Variants in PLSCR2 observed in about 807,000 individuals in gnomAD.
PLSCR2 encodes the protein PL scramblase 2.
PLSCR2 carries 18 observed loss-of-function variants against 25.3 expected under a neutral mutation model. The ratio of observed to expected loss-of-function variants is 0.71; its 90% CI spans 0.49 to 1.06. The LOEUF (loss-of-function observed/expected upper bound fraction) is 1.06, where lower values mean the gene tolerates loss of function less well. Among genes scored for constraint, PLSCR2 ranks in the 50% least tolerant of loss-of-function variants. The pLI, the probability that PLSCR2 is intolerant of heterozygous loss-of-function variation, is 0.00. For synonymous variants in PLSCR2, 88 were observed against 87.3 expected, an observed-to-expected ratio of 1.01 and a Z score of -0.04; for missense variants, 243 against 269.5, an observed-to-expected ratio of 0.90 and a Z score of 0.69.
intron 2 of PLSCR2, among the ~76,000 whole-genome samples, chr3:146,407,752 G>A (rs1008181665): frequency 6.6e-6 from 1 of 152,090 alleles, no homozygotes; most frequent in African/African-American, 2.4e-5. Context: ...GATCAATTCA[G>A]CTTTTTGCGC....
intron 3 of PLSCR2, among the ~76,000 whole-genome samples, chr3:146,457,339 C>T (rs2041275969): frequency 6.6e-6 from 1 of 152,190 alleles, no homozygotes; most frequent in South Asian, 2.1e-4. Flanking sequence ...CATAACTCTA[C>T]CTAGGCTCTC....
chr3:146,393,018 T>G (rs1344989385), intron 3 of PLSCR2, among the ~76,000 whole-genome samples: 1 of 147,312 alleles, frequency 6.8e-6, no homozygotes, highest in East Asian at 2.0e-4. Context: ...AATTGGGTTA[T>G]TTACATTCCT....
intron 1 of PLSCR2, among the ~76,000 whole-genome samples, chr3:146,487,829 A>T (rs2043401049): frequency 6.6e-6 from 1 of 152,154 alleles, no homozygotes; most frequent in Non-Finnish European, 1.5e-5. Context: ...ACTGCTTTAA[A>T]TTTCATATGG....
At chr3:146,480,282 A>G (rs1039024555) in intron 1 of PLSCR2, among the ~76,000 whole-genome samples, 35 of 152,316 alleles carry the variant, frequency 2.3e-4, no homozygotes, top group African/African-American at 8.4e-4. Flanking sequence ...CCTTCAAAAA[A>G]TCAATGAATC....
chr3:146,472,069 G>A (rs1009745741), intron 1 of PLSCR2, among the ~76,000 whole-genome samples: 1 of 152,158 alleles, frequency 6.6e-6, no homozygotes, highest in African/African-American at 2.4e-5. Flanking sequence ...TTTCCAAGCA[G>A]TTGGGAATGT....
At chr3:146,479,140 G>A (rs1184289306) in intron 1 of PLSCR2, among the ~76,000 whole-genome samples, 2 of 152,118 alleles carry the variant, frequency 1.3e-5, no homozygotes, top group Non-Finnish European at 2.9e-5. Flanking sequence ...TGCAAAACAT[G>A]CCAAATTATA....
At chr3:146,482,156 A>C (rs1279606679) in intron 1 of PLSCR2, among the ~76,000 whole-genome samples, 1 of 152,220 alleles carries the variant, frequency 6.6e-6, no homozygotes, top group Non-Finnish European at 1.5e-5. Flanking sequence ...CATTCAGGAC[A>C]TAGGCATGGG....
chr3:146,427,764 G>A (rs976614962), intron 2 of PLSCR2, among the ~76,000 whole-genome samples: 5 of 152,150 alleles, frequency 3.3e-5, no homozygotes, highest in African/African-American at 1.2e-4. Context: ...CCTTGAACTC[G>A]ATCATAACAC....
At chr3:146,495,746 A>G (rs1025841252) in intron 1 of PLSCR2, 5 of 583,546 alleles carry the variant, frequency 8.6e-6, no homozygotes, top group Non-Finnish European at 1.5e-5. Flanking sequence ...AGCAGTTCAC[A>G]CTGTTTAAGA....
intron 8 of PLSCR2, among the ~76,000 whole-genome samples, chr3:146,435,341 T>C (rs920953178): frequency 5.9e-5 from 9 of 152,170 alleles, no homozygotes; most frequent in African/African-American, 1.7e-4. Context: ...CTTGAGGAAT[T>C]GCCACACTGT....
At chr3:146,481,061 T>C (rs551242348) in intron 1 of PLSCR2, among the ~76,000 whole-genome samples, 8 of 152,168 alleles carry the variant, frequency 5.3e-5, no homozygotes, top group South Asian at 2.1e-4. Context: ...CTCAATAAAC[T>C]AGGTATTGAT....
At chr3:146,416,856 T>C (rs1340188104) in intron 2 of PLSCR2, among the ~76,000 whole-genome samples, 3 of 152,194 alleles carry the variant, frequency 2.0e-5, no homozygotes, top group Non-Finnish European at 2.9e-5. Flanking sequence ...GTTAATACAG[T>C]CATGATAAAC....
In PLSCR2 at chr3:146,453,897, T is replaced by TGAGA. The variant is rs1207808346; in HGVS notation, c.483+101_483+104dup. On this transcript the variant is annotated intron_variant, in intron 5 of 6. Transcript: ENST00000610787. ...ATATATGGGAACATTATCTTGCTATTGAGACATCAGTACACAATACTAATT... is the reference window on the plus strand; with the variant it reads ...ATATATGGGAACATTATCTTGCTATTGAGAGAGACATCAGTACACAATACTAATT... 22 of 839,870 alleles carry TGAGA rather than the reference T, an allele frequency of 2.6e-5. No individual in the cohort carries two copies. In the African/African-American group the frequency reaches 3.2e-4, roughly 12 times the overall value. 52.0% of individuals were successfully genotyped at this position (839,870 alleles called of 1,614,324 possible). A position where few individuals can be genotyped will look rare whatever the true frequency, so the allele number is the denominator to read the frequency against.
At chr3:146,468,191 CA>C in intron 1 of PLSCR2, among the ~76,000 whole-genome samples, 1 of 152,294 alleles carries the variant, frequency 6.6e-6, no homozygotes, top group Non-Finnish European at 1.5e-5. Flanking sequence ...CTTGTCTATC[CA>C]ACTGCAGCAA....
chr3:146,458,502 G>A (rs760395779), intron 2 of PLSCR2, 49 bp from the exon 3 acceptor site: 73 of 1,242,460 alleles, frequency 5.9e-5, no homozygotes, highest in Non-Finnish European at 6.5e-5. Context: ...ATTTTATAGA[G>A]AACTAATTAC....
intron 3 of PLSCR2, among the ~76,000 whole-genome samples, chr3:146,457,941 C>G (rs764055150): frequency 3.9e-5 from 6 of 152,110 alleles, no homozygotes; most frequent in Non-Finnish European, 7.4e-5. Context: ...TACCAAAATC[C>G]TAGGCTACTC....
intron 1 of PLSCR2, among the ~76,000 whole-genome samples, chr3:146,472,968 G>A (rs1002056158): frequency 1.3e-5 from 2 of 152,122 alleles, no homozygotes; most frequent in Admixed American, 1.3e-4. Context: ...AAGAGCTCTG[G>A]TTCTTCTTCC....
intron 2 of PLSCR2, among the ~76,000 whole-genome samples, chr3:146,413,533 C>T (rs2038919826): frequency 6.6e-6 from 1 of 152,158 alleles, no homozygotes; most frequent in African/African-American, 2.4e-5. Context: ...ATTCATTATG[C>T]TTAAATTCTG....
chr3:146,413,692 C>T (rs1174127077), intron 2 of PLSCR2, among the ~76,000 whole-genome samples: 1 of 152,188 alleles, frequency 6.6e-6, no homozygotes, highest in Non-Finnish European at 1.5e-5. Context: ...TATCTTTCTA[C>T]CAATGCTCTG....
Sources: allele counts gnomAD v4.1 joint callset (sites outside exome capture counted in the v4.1 genomes callset), GRCh38; gene constraint gnomAD v4.1.1; transcripts MANE v1.5; gene names NCBI Gene and HGNC (gene_info 2026-07-23, HGNC 2026-07-21).